The following CLEC16A variants were observed in gnomAD, a reference collection of about 807,000 sequenced individuals.
The protein encoded by CLEC16A is C-type lectin domain containing 16A.
A neutral mutation model predicts 109.5 loss-of-function variants in CLEC16A; 51 were observed. That is an observed-to-expected ratio of 0.47 (90% CI 0.37 to 0.59). The LOEUF is 0.59. CLEC16A is among the 20% of genes least tolerant of loss of function. CLEC16A has a pLI of 0.00. For missense variants in CLEC16A, 1,339 were observed against 1,394.0 expected (o/e 0.96, Z 0.63); for synonymous variants, 673 against 564.2 (o/e 1.19, Z -2.73).
In CLEC16A at chr16:11,174,425, C is replaced by A. The variant is rs1410300431; in HGVS notation, c.2807-3910C>A. 8.4e-6 allele frequency: 3 copies of A among 355,336 alleles called. No individual in the cohort carries two copies. In the Admixed American group the frequency reaches 1.1e-4, roughly 12 times the overall value. 22.0% of individuals were successfully genotyped at this position (355,336 alleles called of 1,614,324 possible). On this transcript the variant is annotated intron_variant, in intron 23 of 23. Coordinates refer to ENST00000409790, the MANE Select transcript of CLEC16A (RefSeq NM_015226.3). The surrounding 1 kb of genome is among the most constrained non-coding windows in gnomAD (Gnocchi z 4.7). ...AAGGCGGCACTTCCCCATTTTCCCC[C>A]AAAGTTGGTTCTCCCTGCTCCCTGT...
intron 10 of CLEC16A, among the ~76,000 whole-genome samples, chr16:10,986,401 A>G (rs561725791): frequency 1.3e-5 from 2 of 152,226 alleles, no homozygotes; most frequent in African/African-American, 4.8e-5. Context: ...GGTTAACATT[A>G]TTGTTGAGTG....
intron 19 of CLEC16A, among the ~76,000 whole-genome samples, chr16:11,108,571 C>G (rs1259383980): frequency 1.3e-5 from 2 of 152,232 alleles, no homozygotes; most frequent in African/African-American, 4.8e-5. Context: ...TGGCCTCAGC[C>G]AGGGGACTGG....
At chr16:10,969,348 C>T in intron 4 of CLEC16A, 39 bp downstream of exon 4, 1 of 1,456,780 alleles carries the variant, frequency 6.9e-7, no homozygotes. Context: ...GGTGTAAAGC[C>T]ACACGTGGCT....
At chr16:11,112,495 C>CAAA (rs984574100) in intron 19 of CLEC16A, among the ~76,000 whole-genome samples, 2,077 of 85,534 alleles carry the variant, frequency 0.024, 96 homozygotes, top group African/African-American at 0.056. Flanking sequence ...CCTATCTCTA[C>CAAA]AAAAAAAAAA....
Position 11,020,444 on chromosome 16 carries a change from C to G in CLEC16A, c.1436+119C>G, listed in dbSNP as rs184454129. On this transcript the variant is annotated intron_variant, in intron 12 of 23. Transcript: ENST00000409790. ...TCCCTCAGCCCGACCATGCTGCCTCCCTTTCTTTCCCTGCTTCTCCAGCTC... is the reference window on the plus strand; with the variant it reads ...TCCCTCAGCCCGACCATGCTGCCTCGCTTTCTTTCCCTGCTTCTCCAGCTC... 1.6e-4 allele frequency: 205 copies of G among 1,256,136 alleles called. 1 individual carries two copies. The African/African-American group carries it at 2.7e-3, about 17-fold the overall frequency. The allele number at this position is 1,256,136 out of a possible 1,614,324, so 77.8% of individuals were successfully genotyped here.
At chr16:11,011,862 T>A (rs1300159653) in intron 11 of CLEC16A, among the ~76,000 whole-genome samples, 1 of 152,118 alleles carries the variant, frequency 6.6e-6, no homozygotes, top group East Asian at 1.9e-4. Context: ...CATCTTAGAT[T>A]TGTATGTTTC....
chr16:10,977,417 G>C lies in CLEC16A; in HGVS notation c.903+18G>C. ...AGGACAAGGTGGGTCCAGCCCCGTG[G>C]CTCCCGCTGGCTGAAGGCCATCAGA... is the stretch of plus-strand genomic sequence containing the variant. On this transcript the variant is annotated intron_variant, in intron 8 of 23. Transcript: ENST00000409790. 2 of 1,604,864 alleles carry C rather than the reference G, an allele frequency of 1.2e-6. No individual in the cohort carries two copies. Among genetic ancestry groups the C allele is most frequent in the South Asian group, 2.2e-5 (2 of 89,766 alleles).
intron 19 of CLEC16A, 26 bp downstream of exon 19, chr16:11,061,048 C>A: frequency 1.9e-6 from 3 of 1,586,958 alleles, no homozygotes; most frequent in South Asian, 1.1e-5. Context: ...TGAGTCACAG[C>A]AGGGGGCTGG....
chr16:11,107,127 A>G (rs1265353810), intron 19 of CLEC16A, among the ~76,000 whole-genome samples: 1 of 152,192 alleles, frequency 6.6e-6, no homozygotes, highest in Non-Finnish European at 1.5e-5. Context: ...AACAGCTCAA[A>G]CCTTAAAACC....
chr16:10,971,482 C>A, intron 5 of CLEC16A: 1 of 875,402 alleles, frequency 1.1e-6, no homozygotes, highest in Non-Finnish European at 1.4e-6. Context: ...CTGAGAGGCA[C>A]GTGTGGGATT....
At chr16:10,962,224 C>T (rs1295624690) in intron 2 of CLEC16A, among the ~76,000 whole-genome samples, 3 of 152,142 alleles carry the variant, frequency 2.0e-5, no homozygotes, top group African/African-American at 7.2e-5. Context: ...ACTGGGATTG[C>T]AGGCATGAGC....
rs80284583 is a variant in CLEC16A at position 11,105,424 on chromosome 16, A to C, written c.2117-15191A>C. 1.9e-3 allele frequency among the ~76,000 whole-genome samples: 292 copies of C among 152,274 alleles called. 2 individuals are homozygous for C. The highest frequency in any genetic ancestry group is 3.1e-3 in the Non-Finnish European group (208 of 68,018). On this transcript the variant is annotated intron_variant, in intron 19 of 23. Coordinates refer to ENST00000409790, the MANE Select transcript of CLEC16A (RefSeq NM_015226.3). ...GCAGTCAGAGAGGCTGCCCCCATAC[A>C]TGTTCTGGACACATGGGAACAAGGA...
At chr16:11,037,908 G>A (rs2047113947) in intron 13 of CLEC16A, among the ~76,000 whole-genome samples, 1 of 151,874 alleles carries the variant, frequency 6.6e-6, no homozygotes, top group Non-Finnish European at 1.5e-5. Context: ...AGATTCAGTT[G>A]ACATTCTTCT....
chr16:11,005,597 G>A (rs532226053), intron 11 of CLEC16A, among the ~76,000 whole-genome samples: 3 of 152,264 alleles, frequency 2.0e-5, no homozygotes, highest in Admixed American at 6.5e-5. Flanking sequence ...TTCATAGACC[G>A]GTCCTGCCAG....
In CLEC16A at chr16:11,000,230, G is replaced by C. The variant is rs60401438; in HGVS notation, c.1072-2844G>C. On this transcript the variant is annotated intron_variant, in intron 10 of 23. Transcript: ENST00000409790. ...GAACAGGAACCTGAGGCCTAGGACA[G>C]GCCAGCTGGGTTGGGTTTCAGACCA... Among the ~76,000 whole-genome samples, 1,306 of 152,328 alleles carry C rather than the reference G, an allele frequency of 8.6e-3. 10 individuals are homozygous for C. Among genetic ancestry groups the C allele is most frequent in the African/African-American group, 0.029 (1,199 of 41,566 alleles).
chr16:11,140,526 G>A (rs2153065200), intron 22 of CLEC16A, among the ~76,000 whole-genome samples: 1 of 152,288 alleles, frequency 6.6e-6, no homozygotes, highest in East Asian at 1.9e-4. Flanking sequence ...TGGCCTGGTG[G>A]AGGCCATGGC....
chr16:11,073,633 G>T (rs565071957), intron 19 of CLEC16A, among the ~76,000 whole-genome samples: 2 of 152,276 alleles, frequency 1.3e-5, no homozygotes, highest in Admixed American at 1.3e-4. Context: ...CCCACACAGT[G>T]CCCAGGCTGC....
At chr16:10,991,888 C>G (rs1720844656) in intron 10 of CLEC16A, among the ~76,000 whole-genome samples, 1 of 152,226 alleles carries the variant, frequency 6.6e-6, no homozygotes, top group Admixed American at 6.5e-5. Context: ...GGCATTCCAG[C>G]AGAGTTCACA....
chr16:11,067,213 A>G (rs1218927690), intron 19 of CLEC16A, among the ~76,000 whole-genome samples: 3 of 146,810 alleles, frequency 2.0e-5, no homozygotes, highest in Non-Finnish European at 4.5e-5. Context: ...TTTTTTTTAA[A>G]AAAAGCAAGT....
Sources: allele counts gnomAD v4.1 joint callset (sites outside exome capture counted in the v4.1 genomes callset), GRCh38; gene constraint gnomAD v4.1.1; non-coding constraint Gnocchi (gnomAD v3.1); transcripts MANE v1.5; gene names NCBI Gene and HGNC (gene_info 2026-07-23, HGNC 2026-07-21).